GPR39: variants seen among roughly 807,000 people sequenced by gnomAD.
The protein encoded by GPR39 is zinc sensing receptor.
In GPR39, 23 loss-of-function variants were observed where a neutral mutation model predicts 18.4. The observed-to-expected ratio is 1.25, with a 90% CI of 0.90 to 1.77. The LOEUF (loss-of-function observed/expected upper bound fraction) is 1.77, where lower values mean the gene tolerates loss of function less well. Ranked by LOEUF, GPR39 falls within the 40% of genes most tolerant of loss-of-function variation. The pLI is 0.00. For missense variants in GPR39, 647 were observed against 602.4 expected, an observed-to-expected ratio of 1.07 and a Z score of -0.78; for synonymous variants, 280 against 257.9, an observed-to-expected ratio of 1.09 and a Z score of -0.82.
At chr2:132,620,815 C>G (rs1362830372) in intron 1 of GPR39, among the ~76,000 whole-genome samples, 3 of 152,160 alleles carry the variant, frequency 2.0e-5, no homozygotes, top group Non-Finnish European at 4.4e-5. Flanking sequence ...TGCAGTGGCA[C>G]AATCTCTACT....
At chr2:132,574,192 C>T (rs1680491938) in intron 1 of GPR39, among the ~76,000 whole-genome samples, 1 of 152,122 alleles carries the variant, frequency 6.6e-6, no homozygotes, top group Non-Finnish European at 1.5e-5. Flanking sequence ...ATTGTTCCAC[C>T]TCACATTTCT....
intron 1 of GPR39, among the ~76,000 whole-genome samples, chr2:132,518,474 T>A (rs1017588831): frequency 6.6e-6 from 1 of 152,224 alleles, no homozygotes; most frequent in African/African-American, 2.4e-5. Flanking sequence ...GTTTGAGGTC[T>A]GGTGGTGAGG....
intron 1 of GPR39, among the ~76,000 whole-genome samples, chr2:132,595,425 G>A (rs1680923627): frequency 6.6e-6 from 1 of 152,128 alleles, no homozygotes; most frequent in Admixed American, 6.5e-5. Flanking sequence ...TTTTCAAGTG[G>A]GAAATGAGTT....
chr2:132,610,314 A>G (rs1681217184), intron 1 of GPR39, among the ~76,000 whole-genome samples: 1 of 152,190 alleles, frequency 6.6e-6, no homozygotes, highest in South Asian at 2.1e-4. Flanking sequence ...AGGCGTAGTC[A>G]TCACACAAGA....
At chr2:132,521,896 T>G (rs1679432816) in intron 1 of GPR39, among the ~76,000 whole-genome samples, 1 of 152,230 alleles carries the variant, frequency 6.6e-6, no homozygotes, top group African/African-American at 2.4e-5. Flanking sequence ...CAAAGTGTTC[T>G]TCTTCCCCCA....
chr2:132,460,309 A>G (rs964569821), intron 1 of GPR39, among the ~76,000 whole-genome samples: 2 of 152,164 alleles, frequency 1.3e-5, no homozygotes, highest in Non-Finnish European at 2.9e-5. Context: ...TTTGCCCTTC[A>G]TGTAGTCCAC....
intron 1 of GPR39, among the ~76,000 whole-genome samples, chr2:132,492,650 A>AATATATATACACACCATATATATAT (rs1681507098): frequency 7.4e-6 from 1 of 135,406 alleles, no homozygotes; most frequent in Non-Finnish European, 1.5e-5. Context: ...ATCTATATAT[A>AATATATATACACACCATATATATAT]ATATATATAC....
At position 132,552,948 on chromosome 2, in the gene GPR39, T is replaced by A. The variant is rs959964206; in HGVS notation, c.857-92153T>A. Among the ~76,000 whole-genome samples the A allele has an allele frequency of 4.0e-5, 6 of 150,798 alleles. No individual in the cohort carries two copies. In the East Asian group the frequency reaches 9.8e-4, roughly 25 times the overall value. ...CACACACACACATATATATATTTTT[T>A]TTTTTGGAAACAGAGTCTCACTCTG... On this transcript the variant is annotated intron_variant, in intron 1 of 1. Coordinates refer to ENST00000329321, the MANE Select transcript of GPR39 (RefSeq NM_001508.3).
Position 132,417,226 on chromosome 2 carries a change from G to A in GPR39, c.184G>A (p.Gly62Arg). The A allele has an allele frequency of 1.2e-6, 2 of 1,614,160 alleles. No homozygotes were observed. The highest frequency in any genetic ancestry group is 1.7e-6 in the Non-Finnish European group (2 of 1,180,022). ...IRVTQVLQKK[G>R]YLQKEVTDHM... ...GGTCACCCAGGTGCTGCAGAAGAAAGGATACTTGCAGAAGGAGGTGACAGA... is the reference window on the plus strand; with the variant it reads ...GGTCACCCAGGTGCTGCAGAAGAAAAGATACTTGCAGAAGGAGGTGACAGA... Residue 62 changes from glycine to arginine, a missense_variant, in exon 1 of 2, where the codon GGA becomes AGA. Coordinates refer to ENST00000329321, the MANE Select transcript of GPR39 (RefSeq NM_001508.3).
At chr2:132,630,809 T>C (rs576633523) in intron 1 of GPR39, among the ~76,000 whole-genome samples, 3 of 152,252 alleles carry the variant, frequency 2.0e-5, no homozygotes, top group Admixed American at 6.5e-5. Flanking sequence ...ACAGGACGAC[T>C]TGCAGGTTCC....
At chr2:132,580,390 G>A (rs1280491230) in intron 1 of GPR39, among the ~76,000 whole-genome samples, 2 of 152,236 alleles carry the variant, frequency 1.3e-5, no homozygotes, top group Non-Finnish European at 2.9e-5. Flanking sequence ...AAGTCACAGG[G>A]ACATTAGCAG....
intron 1 of GPR39, among the ~76,000 whole-genome samples, chr2:132,517,038 A>T (rs548518668): frequency 6.6e-6 from 1 of 152,060 alleles, no homozygotes; most frequent in Non-Finnish European, 1.5e-5. Flanking sequence ...TAACTGTATA[A>T]TAAGATAAAA....
chr2:132,495,098 A>G (rs1681614596), intron 1 of GPR39, among the ~76,000 whole-genome samples: 1 of 152,168 alleles, frequency 6.6e-6, no homozygotes, highest in Admixed American at 6.5e-5. Flanking sequence ...TAACAAGGCC[A>G]TAGAAGAGCA....
At chr2:132,501,302 T>A (rs1249044807) in intron 1 of GPR39, among the ~76,000 whole-genome samples, 3 of 152,116 alleles carry the variant, frequency 2.0e-5, no homozygotes, top group Admixed American at 2.0e-4. Context: ...GTTCAAAGAA[T>A]TTTTAACTTT....
intron 1 of GPR39, among the ~76,000 whole-genome samples, chr2:132,432,060 A>G (rs1197849487): frequency 6.6e-6 from 1 of 152,102 alleles, no homozygotes; most frequent in Non-Finnish European, 1.5e-5. Flanking sequence ...CAACATCTTC[A>G]GATTTCTCCC....
At chr2:132,489,954 G>A (rs996392547) in intron 1 of GPR39, among the ~76,000 whole-genome samples, 1 of 151,802 alleles carries the variant, frequency 6.6e-6, no homozygotes, top group Admixed American at 6.6e-5. Context: ...ATCAGCTCTG[G>A]GAGGCCCCAG....
At chr2:132,609,647 A>G (rs1681206256) in intron 1 of GPR39, among the ~76,000 whole-genome samples, 1 of 152,170 alleles carries the variant, frequency 6.6e-6, no homozygotes, top group Non-Finnish European at 1.5e-5. Flanking sequence ...TTGTGAGTTT[A>G]GCCATCCTTC....
At chr2:132,610,092 G>A (rs919232532) in intron 1 of GPR39, among the ~76,000 whole-genome samples, 7 of 152,084 alleles carry the variant, frequency 4.6e-5, no homozygotes, top group Non-Finnish European at 8.8e-5. Context: ...ACTATTGCAT[G>A]CATGGAATGG....
chr2:132,461,903 C>G (rs953704052), intron 1 of GPR39, among the ~76,000 whole-genome samples: 1 of 152,168 alleles, frequency 6.6e-6, no homozygotes, highest in Non-Finnish European at 1.5e-5. Context: ...TTAGTGAGAA[C>G]CCCCCATATG....
Sources: allele counts gnomAD v4.1 joint callset (sites outside exome capture counted in the v4.1 genomes callset), GRCh38; gene constraint gnomAD v4.1.1; transcripts MANE v1.5; gene names NCBI Gene and HGNC (gene_info 2026-07-23, HGNC 2026-07-21).